The following POLR1C variants were observed in gnomAD, a reference collection of about 807,000 sequenced individuals.
The protein encoded by POLR1C is RNA polymerase I and III subunit C, also known as DNA-directed RNA polymerases I and III subunit RPAC1.
In POLR1C, 42 loss-of-function variants were observed where a neutral mutation model predicts 38.3. The ratio of observed to expected loss-of-function variants is 1.10; its 90% CI spans 0.86 to 1.42. POLR1C has a LOEUF of 1.42. POLR1C is among the 40% of genes most tolerant of loss of function. POLR1C has a pLI of 0.00. For synonymous variants in POLR1C, 163 were observed against 163.9 expected (o/e 0.99, Z 0.04); for missense variants, 507 against 450.5 (o/e 1.13, Z -1.14).
intron 8 of POLR1C, among the ~76,000 whole-genome samples, chr6:43,528,566 C>T (rs774520308): frequency 8.5e-5 from 13 of 152,126 alleles, no homozygotes; most frequent in Non-Finnish European, 1.8e-4. Flanking sequence ...AGCAAGCATT[C>T]CTCTTTTTAC....
intron 9 of POLR1C, chr6:43,547,447 T>C (rs1362951011): frequency 1.4e-6 from 1 of 719,500 alleles, no homozygotes; most frequent in Non-Finnish European, 2.5e-6. Context: ...AACTCAAGAA[T>C]TCAAGACTAA....
downstream of POLR1C, among the ~76,000 whole-genome samples, chr6:43,530,418 G>A (rs1201336488): frequency 6.7e-6 from 1 of 149,938 alleles, no homozygotes; most frequent in African/African-American, 2.5e-5. Flanking sequence ...GAGCAAGACT[G>A]TCTCAAAAAA....
chr6:43,556,249 C>A, intron 10 of POLR1C: 1 of 321,580 alleles, frequency 3.1e-6, no homozygotes, highest in South Asian at 3.9e-5. Context: ...CAGGATTGGG[C>A]ACAGTAGCTC....
At position 43,521,130 on chromosome 6, in the gene POLR1C, T is replaced by TAA. The variant is rs1243865219; in HGVS notation, c.923-51_923-50dup. ...CCAGTCTAGATGTGAAGTTTATGAG[T>TAA]AAGTTTTACAGGCAAGCCCTGCCTA... On this transcript the variant is annotated intron_variant, in intron 8 of 8. Transcript: ENST00000642195. 9 of 1,608,026 alleles carry TAA rather than the reference T, an allele frequency of 5.6e-6. No individual in the cohort carries two copies. The African/African-American group carries it at 9.4e-5, about 17-fold the overall frequency.
In POLR1C at chr6:43,520,367, A is replaced by T. The variant is rs1050387497; in HGVS notation, c.595A>T (p.Ile199Phe). ...TIRPVHDDILIAQLRPGQEID... is the reference protein window; with the variant it reads ...TIRPVHDDILFAQLRPGQEID... ...CCGACCAGTGCATGATGATATCCTC[A>T]TCGCTCAGCTGCGGCCTGGCCAAGA... Residue 199 changes from isoleucine to phenylalanine, a missense_variant, in exon 6 of 9, where the codon ATC becomes TTC. Coordinates refer to ENST00000642195, the MANE Select transcript of POLR1C (RefSeq NM_203290.4). The T allele has an allele frequency of 1.1e-5, 18 of 1,613,330 alleles. No individual in the cohort carries two copies. In the East Asian group the frequency reaches 2.2e-4, roughly 20 times the overall value.
At chr6:43,529,296 A>C in exon 9 of POLR1C, 1 of 1,191,420 alleles carries the variant, frequency 8.4e-7, no homozygotes, top group Non-Finnish European at 1.1e-6. Flanking sequence ...TAATCCCAGC[A>C]CTTTGGGAGG....
At chr6:43,532,043 T>C (rs972157199), downstream of POLR1C, among the ~76,000 whole-genome samples, 4 of 152,250 alleles carry the variant, frequency 2.6e-5, no homozygotes, top group African/African-American at 9.6e-5. Flanking sequence ...AGTCCTATAG[T>C]CAGAAGCTAT....
Position 43,555,892 on chromosome 6 carries a change from G to C in POLR1C, c.*48+4881G>C, listed in dbSNP as rs751406720. ...TAGTTGATACTTTAGCCACTCCCCA[G>C]CCATCTGGAAGCTAGTTTTGGGATC... is the stretch of plus-strand genomic sequence containing the variant. On this transcript the variant is annotated intron_variant, in intron 10 of 10. Coordinates refer to the POLR1C transcript ENST00000607635. 1.2e-5 allele frequency: 19 copies of C among 1,613,828 alleles called. No homozygotes were observed. In the Admixed American group the frequency reaches 3.2e-4, roughly 27 times the overall value.
chr6:43,548,972 A>T (rs534196760), intron 9 of POLR1C, among the ~76,000 whole-genome samples: 23 of 152,332 alleles, frequency 1.5e-4, no homozygotes, highest in Middle Eastern at 3.4e-3. Flanking sequence ...TCTATATGGC[A>T]GAGAACTATT....
intron 10 of POLR1C, chr6:43,555,965 CTGCCAAGAGAAAA>C (rs1432454695): frequency 1.2e-6 from 2 of 1,613,048 alleles, no homozygotes; most frequent in Non-Finnish European, 1.7e-6. Context: ...GCTCGGGAGG[CTGCCAAGAGAAAA>C]TGCCAAGGGA....
rs2127691605 is a variant in POLR1C, at chr6:43,521,002, G to A, written c.876G>A (p.Lys292=). The A allele has an allele frequency of 6.2e-7, 1 of 1,614,202 alleles. No individual in the cohort carries two copies. The highest frequency in any genetic ancestry group is 2.2e-5 in the East Asian group (1 of 44,886). ...GCAGAGAAATCTTCCGGAATGAGAA[G>A]CTAAAGAAGGTTGTGAGGCTTGCCC... is the stretch of plus-strand genomic sequence containing the variant. The part of the protein sequence containing the change: ...TFSREIFRNE[K]LKKVVRLARV... The change falls in exon 8 of 9, where the codon AAG becomes AAA. Residue 292 remains lysine, a synonymous_variant. Transcript: ENST00000642195.
rs142485510 is a variant in POLR1C, at chr6:43,556,078, GC to G, written c.*48+5068del. ...GAAAAGCATTCAAAGGAACTGTTTT[GC>G]AGACTTGTGCTTTGCATGTAATAAT... On this transcript the variant is annotated intron_variant, in intron 10 of 10. Coordinates refer to the POLR1C transcript ENST00000607635. 2.5e-3 allele frequency: 3,544 copies of G among 1,392,428 alleles called. 77 individuals carry two copies. In the African/African-American group the frequency reaches 0.046, roughly 18 times the overall value. The allele number at this position is 1,392,428 out of a possible 1,614,324, so 86.3% of individuals were successfully genotyped here.
downstream of POLR1C, chr6:43,525,700 C>T: frequency 1.1e-6 from 1 of 895,480 alleles, no homozygotes; most frequent in Non-Finnish European, 1.7e-6. Flanking sequence ...TCGGTTTTTT[C>T]TGGGGCCTTT....
At chr6:43,524,754 G>A (rs1793446842), downstream of POLR1C, 2 of 1,592,008 alleles carry the variant, frequency 1.3e-6, no homozygotes, top group Non-Finnish European at 1.7e-6. Context: ...CCTGAATTTA[G>A]GATAAGGCCC....
At chr6:43,548,601 T>C (rs1389865381) in intron 9 of POLR1C, 93 of 686,148 alleles carry the variant, frequency 1.4e-4, no homozygotes, top group Non-Finnish European at 1.9e-4. Flanking sequence ...GTAATTCTGT[T>C]ATATGTCTTT....
chr6:43,524,640 T>TA (rs1169652920), downstream of POLR1C: 1 of 1,613,432 alleles, frequency 6.2e-7, no homozygotes, highest in African/African-American at 1.3e-5. Flanking sequence ...GGGGCGCTGA[T>TA]ATCAGCAGGG....
At chr6:43,527,243 A>C (rs1163393436) in intron 8 of POLR1C, 2 of 199,116 alleles carry the variant, frequency 1.0e-5, no homozygotes, top group Non-Finnish European at 2.1e-5. Context: ...CTATCTAGTT[A>C]TTTCTTTTGG....
chr6:43,555,757 T>C (rs757738997), intron 10 of POLR1C: 62 of 1,569,032 alleles, frequency 4.0e-5, no homozygotes, highest in Non-Finnish European at 5.4e-5. Context: ...GATGTGTGTA[T>C]AGCTCAGGCT....
intron 9 of POLR1C, among the ~76,000 whole-genome samples, chr6:43,550,768 C>T (rs1426637554): frequency 6.6e-6 from 1 of 152,168 alleles, no homozygotes; most frequent in East Asian, 1.9e-4. Context: ...TAGTCCCGTT[C>T]TCCTTTGTGA....
Sources: allele counts gnomAD v4.1 joint callset (sites outside exome capture counted in the v4.1 genomes callset), GRCh38; gene constraint gnomAD v4.1.1; transcripts MANE v1.5; gene names NCBI Gene and HGNC (gene_info 2026-07-23, HGNC 2026-07-21).